Variants in PITPNC1 observed in about 807,000 individuals in gnomAD.
The protein encoded by PITPNC1 is cytoplasmic phosphatidylinositol transfer protein 1.
A neutral mutation model predicts 44.7 loss-of-function variants in PITPNC1; 18 were observed. That is an observed-to-expected ratio of 0.40 (90% CI 0.28 to 0.60). The LOEUF is 0.60. PITPNC1 is among the 20% of genes least tolerant of loss of function. PITPNC1 has a pLI of 0.39. For missense variants in PITPNC1, 290 were observed against 418.4 expected (o/e 0.69, Z 2.68); for synonymous variants, 141 against 149.6 (o/e 0.94, Z 0.42).
At chr17:67,560,831 A>C (rs2040897513) in intron 4 of PITPNC1, among the ~76,000 whole-genome samples, 1 of 152,236 alleles carries the variant, frequency 6.6e-6, no homozygotes, top group African/African-American at 2.4e-5. Flanking sequence ...AACAAAACAT[A>C]ACATTTTAAA....
At chr17:67,389,884 G>A (rs1260827002) in intron 1 of PITPNC1, among the ~76,000 whole-genome samples, 1 of 151,958 alleles carries the variant, frequency 6.6e-6, no homozygotes, top group East Asian at 1.9e-4. Context: ...TTTCACTGTG[G>A]TAGCCAGGAT....
chr17:67,429,250 A>G (rs570110289), intron 1 of PITPNC1, among the ~76,000 whole-genome samples: 3 of 152,362 alleles, frequency 2.0e-5, no homozygotes, highest in Admixed American at 6.5e-5. Context: ...TTGACCAGGT[A>G]AAATGATTTC....
chr17:67,578,824 ATACAAAAAT>A (rs1221272855), intron 5 of PITPNC1, among the ~76,000 whole-genome samples: 1 of 152,220 alleles, frequency 6.6e-6, no homozygotes, highest in Non-Finnish European at 1.5e-5. Context: ...TCGACTAAAA[ATACAAAAAT>A]TAGCTGGGCG....
chr17:67,510,661 C>T (rs532984901), intron 1 of PITPNC1, among the ~76,000 whole-genome samples: 8 of 152,170 alleles, frequency 5.3e-5, no homozygotes, highest in Admixed American at 6.5e-5. Flanking sequence ...TGCAGTGGTG[C>T]GATCTCAGCT....
chr17:67,385,481 T>G (rs1401054735), intron 1 of PITPNC1, among the ~76,000 whole-genome samples: 2 of 123,256 alleles, frequency 1.6e-5, no homozygotes, highest in African/African-American at 3.0e-5. Flanking sequence ...TGACCACCCC[T>G]CCCCCCTCCC....
At chr17:67,390,039 T>C (rs553732046) in intron 1 of PITPNC1, among the ~76,000 whole-genome samples, 74 of 122,378 alleles carry the variant, frequency 6.0e-4, no homozygotes, top group African/African-American at 2.0e-3. Context: ...TAGATACCCA[T>C]GTTCAGAGAG....
intron 4 of PITPNC1, among the ~76,000 whole-genome samples, chr17:67,555,941 T>C (rs1273657056): frequency 2.0e-5 from 3 of 152,182 alleles, no homozygotes; most frequent in Non-Finnish European, 2.9e-5. Context: ...CAATTATCTC[T>C]GTCATTTGGG....
intron 1 of PITPNC1, among the ~76,000 whole-genome samples, chr17:67,427,896 G>C (rs1163900060): frequency 1.3e-5 from 2 of 152,212 alleles, no homozygotes; most frequent in African/African-American, 2.4e-5. Context: ...GGATACCTAA[G>C]TGTCTGAAAT....
At chr17:67,593,894 TCACTTAAAAA>T (rs1209293655) in intron 5 of PITPNC1, among the ~76,000 whole-genome samples, 13 of 152,290 alleles carry the variant, frequency 8.5e-5, no homozygotes, top group African/African-American at 2.2e-4. Flanking sequence ...ACAGTGTACG[TCACTTAAAAA>T]AAATAAGGCA....
intron 5 of PITPNC1, among the ~76,000 whole-genome samples, chr17:67,583,865 TTGTGTGTGTGTGTGTG>T (rs771258752): frequency 2.5e-5 from 3 of 118,448 alleles, no homozygotes; most frequent in African/African-American, 9.4e-5. Flanking sequence ...CTGGCTAATT[TTGTGTGTGTGTGTGTG>T]TGTGTGTGTG....
intron 1 of PITPNC1, among the ~76,000 whole-genome samples, chr17:67,455,596 T>G (rs897049181): frequency 4.0e-4 from 47 of 117,044 alleles, no homozygotes; most frequent in African/African-American, 8.8e-4. Flanking sequence ...GTTTTTTTTG[T>G]TTTTTTTTGT....
intron 1 of PITPNC1, among the ~76,000 whole-genome samples, chr17:67,412,556 A>G (rs1430615942): frequency 6.6e-6 from 1 of 151,868 alleles, no homozygotes; most frequent in East Asian, 1.9e-4. Flanking sequence ...CTTCTTACAT[A>G]TTTCTCTTTC....
At chr17:67,555,495 C>T (rs1455778920) in intron 4 of PITPNC1, among the ~76,000 whole-genome samples, 2 of 152,050 alleles carry the variant, frequency 1.3e-5, no homozygotes, top group Non-Finnish European at 2.9e-5. Context: ...ACACTACCCC[C>T]TAGTTCCATT....
intron 1 of PITPNC1, among the ~76,000 whole-genome samples, chr17:67,431,431 T>C (rs142334519): frequency 1.2e-4 from 19 of 152,286 alleles, no homozygotes; most frequent in African/African-American, 4.3e-4. Flanking sequence ...AGTCAGCCTC[T>C]GTATACCATT....
At chr17:67,526,526 C>T (rs1223141386) in intron 1 of PITPNC1, among the ~76,000 whole-genome samples, 1 of 151,738 alleles carries the variant, frequency 6.6e-6, no homozygotes, top group Non-Finnish European at 1.5e-5. Flanking sequence ...GTCAGGAGTT[C>T]GAGATCAGCC....
intron 5 of PITPNC1, among the ~76,000 whole-genome samples, chr17:67,610,638 A>G (rs906895443): frequency 2.0e-5 from 3 of 152,046 alleles, no homozygotes; most frequent in East Asian, 1.9e-4. Context: ...AAATACAAAC[A>G]TTAGCCGGGC....
At chr17:67,399,436 A>G (rs2038274911) in intron 1 of PITPNC1, among the ~76,000 whole-genome samples, 1 of 152,180 alleles carries the variant, frequency 6.6e-6, no homozygotes, top group African/African-American at 2.4e-5. Context: ...TGCACTGTGC[A>G]TTCTTTAGCC....
chr17:67,415,361 C>T (rs1411350277), intron 1 of PITPNC1, among the ~76,000 whole-genome samples: 1 of 152,214 alleles, frequency 6.6e-6, no homozygotes, highest in Non-Finnish European at 1.5e-5. Context: ...AGGTGTCACT[C>T]CCATTAGATT....
intron 8 of PITPNC1, 141 bp from the exon 9 acceptor site, chr17:67,692,431 A>G (rs1418440666): frequency 9.5e-6 from 6 of 629,388 alleles, no homozygotes; most frequent in East Asian, 8.1e-5. Flanking sequence ...TGGTATTTCA[A>G]TGATACTTTG....
Sources: gnomAD v4.1 joint callset for allele counts (sites outside exome capture counted in the v4.1 genomes callset) on GRCh38, gnomAD v4.1.1 for gene constraint, MANE v1.5 for transcripts, NCBI Gene and HGNC (gene_info 2026-07-23, HGNC 2026-07-21) for gene names.